The following AMPD1 variants were observed in gnomAD, a reference collection of about 807,000 sequenced individuals.
AMPD1 encodes the protein AMP deaminase 1.
AMPD1 carries 74 observed loss-of-function variants against 82.9 expected under a neutral mutation model. That is an observed-to-expected ratio of 0.89 (90% CI 0.74 to 1.08). The LOEUF (loss-of-function observed/expected upper bound fraction) is 1.08. AMPD1 is among the 50% of genes least tolerant of loss of function. The pLI, the probability that AMPD1 is intolerant of heterozygous loss-of-function variation, is 0.00. For missense variants in AMPD1, 881 were observed against 924.5 expected (o/e 0.95, Z 0.61); for synonymous variants, 333 against 320.5 (o/e 1.04, Z -0.42).
intron 5 of AMPD1, among the ~76,000 whole-genome samples, chr1:114,682,979 AT>A (rs1442168493): frequency 2.6e-5 from 4 of 152,204 alleles, no homozygotes; most frequent in Admixed American, 2.0e-4. Context: ...AAAGATGCTT[AT>A]TGTACCTTTT....
At chr1:114,677,276 T>A in intron 10 of AMPD1, 75 bp downstream of exon 10, 1 of 1,577,462 alleles carries the variant, frequency 6.3e-7, no homozygotes, top group South Asian at 1.1e-5. Context: ...GGCAACACGT[T>A]CCTTGTTCAT....
At chr1:114,688,848 T>A (rs1658424867) in intron 2 of AMPD1, 107 bp from the exon 3 acceptor site, 15 of 1,260,220 alleles carry the variant, frequency 1.2e-5, no homozygotes, top group Non-Finnish European at 1.5e-5. Context: ...CGTGCATGGC[T>A]CTCCTGCTTT....
At chr1:114,674,219 A>C (rs1235187349) in intron 13 of AMPD1, 137 bp from the exon 14 acceptor site, 1 of 756,154 alleles carries the variant, frequency 1.3e-6, no homozygotes, top group Non-Finnish European at 2.1e-6. Flanking sequence ...CTTAGTAAGG[A>C]GAATTTAGGA....
intron 5 of AMPD1, among the ~76,000 whole-genome samples, chr1:114,681,917 T>G (rs1379650930): frequency 6.6e-6 from 1 of 152,138 alleles, no homozygotes; most frequent in Non-Finnish European, 1.5e-5. Flanking sequence ...ATAAAATAAA[T>G]TATTATTGTA....
intron 12 of AMPD1, 90 bp downstream of exon 12, chr1:114,675,440 G>T (rs924694424): frequency 7.3e-7 from 1 of 1,367,358 alleles, no homozygotes; most frequent in Non-Finnish European, 1.0e-6. Context: ...TCACAGTAAT[G>T]CATGAGGCCC....
Position 114,677,343 on chromosome 1 carries a change from G to T in AMPD1, c.1388+8C>A, listed in dbSNP as rs765995365. On this transcript the variant is annotated splice_region_variant and intron_variant, in intron 10 of 15. Coordinates refer to ENST00000520113, the MANE Select transcript of AMPD1 (RefSeq NM_000036.3). ...AGGCTCTAGAGTTTCTGATGGGCAG[G>T]TACATACTAGATCCTGGGAACCTGG... is the stretch of plus-strand genomic sequence containing the variant. 1.1e-5 allele frequency: 18 copies of T among 1,609,828 alleles called. No homozygotes were observed. The South Asian group carries it at 1.9e-4, about 17-fold the overall frequency.
At chr1:114,680,830 T>C (rs1426548948) in intron 5 of AMPD1, among the ~76,000 whole-genome samples, 2 of 152,086 alleles carry the variant, frequency 1.3e-5, no homozygotes, top group Non-Finnish European at 2.9e-5. Flanking sequence ...AGCCAGGCTG[T>C]GGCGGCGTGT....
chr1:114,676,788 G>A (rs564966993), intron 10 of AMPD1, among the ~76,000 whole-genome samples: 4 of 152,268 alleles, frequency 2.6e-5, no homozygotes, highest in Non-Finnish European at 4.4e-5. Flanking sequence ...AAACACCCAA[G>A]TTAGATAAAA....
chr1:114,692,319 A>G (rs146022581), intron 2 of AMPD1, among the ~76,000 whole-genome samples: 5 of 152,316 alleles, frequency 3.3e-5, no homozygotes. Context: ...CAGACCTACT[A>G]TCAGTCAGCA....
At position 114,686,857 on chromosome 1, in the gene AMPD1, T is replaced by C; in HGVS notation, c.269A>G (p.Glu90Gly). 6.2e-7 allele frequency: 1 copy of C among 1,614,184 alleles called. No individual in the cohort carries two copies. The highest frequency in any genetic ancestry group is 8.5e-7 in the Non-Finnish European group (1 of 1,180,014). Residue 90 changes from glutamate to glycine, a missense_variant, in exon 4 of 16, where the codon GAA becomes GGA. Around this residue, in one of 2 missense-constraint regions of AMPD1, gnomAD observed 783 missense variants for 786.4 expected, o/e 1.00. Transcript: ENST00000520113. ...GTGGGACAGTTTGGTGGAAGATGTT[T>C]CACTTAGTGGAATGGACAAATTAAC... ...KTVNLSIPLS[E>G]TSSTKLSHID...
Position 114,674,883 on chromosome 1 carries a change from A to G in AMPD1, c.1680-11T>C, listed in dbSNP as rs778714783. Reference sequence around the variant, plus strand: ...TTCATGCCTCGTTCCCTGGGGAAATAGAACTGCTATTGGAATCGCAGGTTC... The same window carrying G: ...TTCATGCCTCGTTCCCTGGGGAAATGGAACTGCTATTGGAATCGCAGGTTC... On this transcript the variant is annotated splice_polypyrimidine_tract_variant and intron_variant, in intron 12 of 15. Coordinates refer to ENST00000520113, the MANE Select transcript of AMPD1 (RefSeq NM_000036.3). 1.2e-6 allele frequency: 2 copies of G among 1,614,012 alleles called. No homozygotes were observed. Among genetic ancestry groups the G allele is most frequent in the East Asian group, 4.5e-5 (2 of 44,888 alleles).
chr1:114,674,768 C>T lies in AMPD1; in HGVS notation c.1784G>A (p.Gly595Asp). 1.2e-6 allele frequency: 2 copies of T among 1,613,678 alleles called. No individual in the cohort carries two copies. Among genetic ancestry groups the T allele is most frequent in the South Asian group, 1.1e-5 (1 of 91,080 alleles). ...CCAACTCACCTTTTTTAAATTTAGG[C>T]CATGAGAGATATCATCTGCTATCAT... ...AFMIADDISH[G>D]LNLKKSPVLQ... The change falls in exon 13 of 16, where the codon GGC (glycine) becomes GAC (aspartate). Residue 595 changes from glycine (G) to aspartate (D), a missense_variant. Gly to Asp is a moderately conservative substitution (Grantham distance 94). Coordinates refer to ENST00000520113, the MANE Select transcript of AMPD1 (RefSeq NM_000036.3).
chr1:114,686,437 C>T (rs114473838), intron 4 of AMPD1, among the ~76,000 whole-genome samples: 2 of 152,100 alleles, frequency 1.3e-5, no homozygotes, highest in African/African-American at 4.8e-5. Flanking sequence ...GACTTGACCA[C>T]TCTACTGCTC....
At chr1:114,673,368 G>A in intron 15 of AMPD1, 96 bp from the exon 16 acceptor site, 1 of 1,381,864 alleles carries the variant, frequency 7.2e-7, no homozygotes, top group Non-Finnish European at 1.0e-6. Context: ...CCTTATGTTA[G>A]CCACTGACAA....
chr1:114,693,138 A>G (rs1658566001), intron 2 of AMPD1, among the ~76,000 whole-genome samples: 2 of 146,956 alleles, frequency 1.4e-5, no homozygotes, highest in African/African-American at 5.0e-5. Flanking sequence ...ATAAATAAAT[A>G]AATAAATAAA....
At chr1:114,682,185 A>G (rs764596210) in intron 5 of AMPD1, among the ~76,000 whole-genome samples, 1 of 152,172 alleles carries the variant, frequency 6.6e-6, no homozygotes, top group Non-Finnish European at 1.5e-5. Flanking sequence ...CCTGTTTACA[A>G]GTGATGCCCA....
chr1:114,685,741 T>C (rs913063059), intron 4 of AMPD1, among the ~76,000 whole-genome samples: 1 of 152,254 alleles, frequency 6.6e-6, no homozygotes, highest in Non-Finnish European at 1.5e-5. Flanking sequence ...TTTTGAATTC[T>C]GGAGTTCTCC....
chr1:114,679,095 G>T (rs1204023920), intron 7 of AMPD1, among the ~76,000 whole-genome samples: 1 of 152,160 alleles, frequency 6.6e-6, no homozygotes, highest in Non-Finnish European at 1.5e-5. Context: ...CATCTTGGAA[G>T]TGTGTCTAGT....
chr1:114,680,893 G>A (rs765388998), intron 5 of AMPD1, among the ~76,000 whole-genome samples: 22 of 152,174 alleles, frequency 1.4e-4, no homozygotes, highest in Non-Finnish European at 2.8e-4. Flanking sequence ...ATTTGAATCC[G>A]GGAGGCATAC....
Sources: allele counts gnomAD v4.1 joint callset (sites outside exome capture counted in the v4.1 genomes callset), GRCh38; gene constraint gnomAD v4.1.1; regional missense constraint gnomAD v4.1.1; transcripts MANE v1.5; gene names NCBI Gene and HGNC (gene_info 2026-07-23, HGNC 2026-07-21).